MRAP2: variants seen among roughly 807,000 people sequenced by gnomAD.
The protein encoded by MRAP2 is melanocortin-2 receptor accessory protein 2.
In MRAP2, 20 loss-of-function variants were observed where a neutral mutation model predicts 17.4. The observed-to-expected ratio is 1.15, with a 90% CI of 0.81 to 1.67. MRAP2 has a LOEUF of 1.67. Ranked by LOEUF, MRAP2 falls within the 40% of genes most tolerant of loss-of-function variation. The probability of loss-of-function intolerance (pLI) is 0.00; values close to 1 mark genes in which losing one functional copy is unlikely to be tolerated. For synonymous variants in MRAP2, 96 were observed against 88.4 expected (o/e 1.09, Z -0.48); for missense variants, 238 against 240.0 (o/e 0.99, Z 0.05).
chr6:84,037,946 G>A (rs913884975), intron 1 of MRAP2, among the ~76,000 whole-genome samples: 3 of 152,238 alleles, frequency 2.0e-5, no homozygotes, highest in Non-Finnish European at 2.9e-5. Flanking sequence ...ACACTGCTGA[G>A]GAGGTGCTGA....
the MRAP2 span, among the ~76,000 whole-genome samples, chr6:84,135,954 G>A: frequency 6.6e-6 from 1 of 152,224 alleles, no homozygotes; most frequent in Admixed American, 6.5e-5. Context: ...ATTGGCATAA[G>A]TCTTCCTGGT....
intron 1 of MRAP2, chr6:84,045,443 G>A (rs1588623875): frequency 2.1e-6 from 2 of 941,440 alleles, no homozygotes; most frequent in Middle Eastern, 5.3e-4. Flanking sequence ...ACCCTTCATT[G>A]AAAATGAAGA....
chr6:84,093,638 A>G (rs1300038361), downstream of MRAP2, among the ~76,000 whole-genome samples: 1 of 152,226 alleles, frequency 6.6e-6, no homozygotes, highest in Non-Finnish European at 1.5e-5. Flanking sequence ...GGGCCTTTCC[A>G]TAGATAAGTG....
chr6:84,117,030 A>C, the MRAP2 span, among the ~76,000 whole-genome samples: 1 of 105,530 alleles, frequency 9.5e-6, no homozygotes, highest in East Asian at 2.5e-4. Context: ...CTTTCTTTCT[A>C]TTTTTTTCAT....
intron 1 of MRAP2, among the ~76,000 whole-genome samples, chr6:84,047,649 T>G (rs1196308662): frequency 6.6e-6 from 1 of 152,224 alleles, no homozygotes; most frequent in Non-Finnish European, 1.5e-5. Flanking sequence ...CAGAACTTTT[T>G]CATTATCTCA....
chr6:84,134,438 G>A, the MRAP2 span, among the ~76,000 whole-genome samples: 7 of 152,166 alleles, frequency 4.6e-5, no homozygotes, highest in South Asian at 2.1e-4. Context: ...CCAAACGGCC[G>A]CCCAGTTTTG....
At chr6:84,062,222 C>A in intron 2 of MRAP2, 1 of 508,718 alleles carries the variant, frequency 2.0e-6, no homozygotes, top group Non-Finnish European at 2.5e-6. Context: ...AAAACCTAGC[C>A]AATGCTTCTG....
chr6:84,105,106 C>T, the MRAP2 span, among the ~76,000 whole-genome samples: 1 of 152,122 alleles, frequency 6.6e-6, no homozygotes, highest in Non-Finnish European at 1.5e-5. Flanking sequence ...TCTAGGGAGT[C>T]CCAAGCTTTC....
At chr6:84,039,585 G>A (rs1422898880) in intron 1 of MRAP2, among the ~76,000 whole-genome samples, 2 of 152,208 alleles carry the variant, frequency 1.3e-5, no homozygotes, top group Non-Finnish European at 2.9e-5. Flanking sequence ...TAAAATCTGA[G>A]TTTAATTGTT....
In MRAP2 at chr6:84,055,440, A is replaced by G; in HGVS notation, c.122A>G (p.His41Arg). ...GPVSFEGLKA[H>R]KYSIVIGFWV... ...GTTTCCTTTGAAGGACTGAAGGCTC[A>G]TAAATGTAAGTTTTATACAATTCCT... is the stretch of plus-strand genomic sequence containing the variant. Residue 41 changes from histidine (H) to arginine (R), a missense_variant, in exon 2 of 4, where the codon CAT (histidine) becomes CGT (arginine). Transcript: ENST00000257776. The G allele has an allele frequency of 6.2e-7, 1 of 1,612,088 alleles. No homozygotes were observed.
At chr6:84,108,221 G>C in the MRAP2 span, among the ~76,000 whole-genome samples, 1 of 152,130 alleles carries the variant, frequency 6.6e-6, no homozygotes, top group Non-Finnish European at 1.5e-5. Flanking sequence ...TGGGACTGCT[G>C]GGTCAAATGG....
At chr6:84,077,495 G>A (rs2099497909) in intron 3 of MRAP2, among the ~76,000 whole-genome samples, 1 of 152,098 alleles carries the variant, frequency 6.6e-6, no homozygotes, top group Admixed American at 6.5e-5. Context: ...TTATGTCTAT[G>A]GTTATATGAT....
At chr6:84,058,498 T>C (rs1034118242) in intron 2 of MRAP2, among the ~76,000 whole-genome samples, 1 of 152,114 alleles carries the variant, frequency 6.6e-6, no homozygotes, top group African/African-American at 2.4e-5. Context: ...CCAGGAGCTC[T>C]GTTTTGGACC....
the MRAP2 span, among the ~76,000 whole-genome samples, chr6:84,107,686 A>T: frequency 1.3e-5 from 2 of 152,320 alleles, no homozygotes; most frequent in Admixed American, 1.3e-4. Context: ...TGGAGGGTTG[A>T]TATAATCCTG....
the MRAP2 span, among the ~76,000 whole-genome samples, chr6:84,117,646 T>G: frequency 2.0e-5 from 2 of 102,010 alleles, no homozygotes; most frequent in African/African-American, 1.1e-4. Context: ...ATGTGGGGTG[T>G]GTGTCTGTGT....
intron 3 of MRAP2, among the ~76,000 whole-genome samples, chr6:84,085,472 C>G (rs2099500195): frequency 6.6e-6 from 1 of 152,172 alleles, no homozygotes; most frequent in Non-Finnish European, 1.5e-5. Flanking sequence ...AGGAAAATGT[C>G]AGGAGTTTAG....
the MRAP2 span, among the ~76,000 whole-genome samples, chr6:84,099,864 T>C: frequency 1.9e-3 from 275 of 145,044 alleles, no homozygotes; most frequent in African/African-American, 5.9e-3. Context: ...CTCTCTCTCT[T>C]TTTTTTTTTT....
At chr6:84,033,480 T>A (rs1333066292), upstream of MRAP2, among the ~76,000 whole-genome samples, 1 of 152,222 alleles carries the variant, frequency 6.6e-6, no homozygotes, top group African/African-American at 2.4e-5. Context: ...TCCCTCTTGC[T>A]CAGCTAATGA....
chr6:84,145,140 G>A, the MRAP2 span, among the ~76,000 whole-genome samples: 7 of 152,188 alleles, frequency 4.6e-5, no homozygotes, highest in East Asian at 1.9e-4. Context: ...CCTTACATAC[G>A]AGGTTTCCTT....
Sources: gnomAD v4.1 joint callset for allele counts (sites outside exome capture counted in the v4.1 genomes callset) on GRCh38, gnomAD v4.1.1 for gene constraint, MANE v1.5 for transcripts, NCBI Gene and HGNC (gene_info 2026-07-23, HGNC 2026-07-21) for gene names.